ARMC3: variants seen among roughly 807,000 people sequenced by gnomAD.
ARMC3 encodes the protein armadillo repeat containing 3.
In ARMC3, 74 loss-of-function variants were observed where a neutral mutation model predicts 90.3. That is an observed-to-expected ratio of 0.82 (90% CI 0.68 to 0.99). ARMC3 has a LOEUF of 0.99. ARMC3 is among the 50% of genes least tolerant of loss of function. The pLI, the probability that ARMC3 is intolerant of heterozygous loss-of-function variation, is 0.00. For synonymous variants in ARMC3, 334 were observed against 361.8 expected (o/e 0.92, Z 0.87); for missense variants, 958 against 1,042.8 (o/e 0.92, Z 1.12).
At chr10:23,025,015 T>TAA (rs746959023) in intron 16 of ARMC3, among the ~76,000 whole-genome samples, 3 of 152,104 alleles carry the variant, frequency 2.0e-5, no homozygotes, top group Admixed American at 6.5e-5. Context: ...GACATTACAT[T>TAA]AGTGATCAAA....
intron 10 of ARMC3, among the ~76,000 whole-genome samples, chr10:22,983,104 G>A (rs1379064784): frequency 6.6e-6 from 1 of 151,958 alleles, no homozygotes; most frequent in Non-Finnish European, 1.5e-5. Flanking sequence ...ATATTCAGTG[G>A]TTTTTCCAGT....
Position 23,008,840 on chromosome 10 carries a change from G to A in ARMC3, c.1954G>A (p.Gly652Arg), listed in dbSNP as rs746448034. 1 of 1,612,694 alleles carries A rather than the reference G, an allele frequency of 6.2e-7. No homozygotes were observed. Among genetic ancestry groups the A allele is most frequent in the Non-Finnish European group, 8.5e-7 (1 of 1,179,246 alleles). ...NKKNSYHFSA[G>R]FGSPIEDKSE... ...AAAAAATAGTTATCATTTTAGTGCT[G>A]GATTTGGATCTCCCATAGAAGACAA... Residue 652 changes from glycine to arginine, a missense_variant, in exon 16 of 19, where the codon GGA becomes AGA. By Grantham distance (125) the Gly-to-Arg change is moderately radical. Transcript: ENST00000298032.
intron 2 of ARMC3, among the ~76,000 whole-genome samples, chr10:22,936,368 G>A (rs1225068180): frequency 2.6e-5 from 4 of 152,108 alleles, no homozygotes; most frequent in African/African-American, 4.8e-5. Flanking sequence ...AACTGCTTGT[G>A]GCCTGTGACT....
At chr10:22,986,357 G>C (rs961402412) in intron 10 of ARMC3, among the ~76,000 whole-genome samples, 10 of 152,088 alleles carry the variant, frequency 6.6e-5, no homozygotes, top group African/African-American at 2.4e-4. Context: ...TTCGAGACCA[G>C]CATGGCCAAC....
intron 10 of ARMC3, among the ~76,000 whole-genome samples, chr10:22,992,947 G>A (rs972199590): frequency 6.9e-6 from 1 of 144,300 alleles, no homozygotes; most frequent in African/African-American, 2.6e-5. Context: ...CTGACCACTT[G>A]CAGAGTGTCT....
At chr10:22,931,260 C>T (rs1330753693) in intron 1 of ARMC3, among the ~76,000 whole-genome samples, 1 of 152,180 alleles carries the variant, frequency 6.6e-6, no homozygotes, top group Non-Finnish European at 1.5e-5. Flanking sequence ...GGTTACTCCT[C>T]TGTGGTATGT....
intron 12 of ARMC3, among the ~76,000 whole-genome samples, 181 bp downstream of exon 12, chr10:23,002,236 G>A (rs1837332241): frequency 6.6e-6 from 1 of 152,208 alleles, no homozygotes; most frequent in African/African-American, 2.4e-5. Context: ...AGGGGGTCCC[G>A]ATTCACCGCT....
chr10:23,019,364 A>G (rs1175146702), intron 16 of ARMC3, among the ~76,000 whole-genome samples: 2 of 152,218 alleles, frequency 1.3e-5, no homozygotes, highest in Non-Finnish European at 2.9e-5. Context: ...TATAAAGTGA[A>G]TACACAGCAA....
chr10:23,029,010 A>C (rs1028520756), intron 16 of ARMC3, among the ~76,000 whole-genome samples: 1 of 152,158 alleles, frequency 6.6e-6, no homozygotes, highest in Non-Finnish European at 1.5e-5. Flanking sequence ...CCATATCTAC[A>C]GCCAAATAGC....
chr10:23,036,059 G>A lies in ARMC3; in HGVS notation c.2410-1211G>A, dbSNP rs78110887. On this transcript the variant is annotated intron_variant, in intron 18 of 18. Transcript: ENST00000298032. ...ACCTTAGGAAAATTATGCGACCTCA[G>A]TTTTACCCTCTATAAAACGGGGAAA... Among the ~76,000 whole-genome samples the A allele has an allele frequency of 8.0e-3, 1,218 of 152,248 alleles. 10 individuals carry two copies. Among genetic ancestry groups the A allele is most frequent in the African/African-American group, 0.027 (1,120 of 41,538 alleles).
intron 16 of ARMC3, among the ~76,000 whole-genome samples, chr10:23,025,897 A>G (rs1838697710): frequency 6.6e-6 from 1 of 152,118 alleles, no homozygotes; most frequent in African/African-American, 2.4e-5. Flanking sequence ...CAGGAATGAA[A>G]GAAGGAATTA....
chr10:22,997,006 A>G (rs745611951), intron 10 of ARMC3, among the ~76,000 whole-genome samples: 47 of 152,202 alleles, frequency 3.1e-4, no homozygotes, highest in Non-Finnish European at 5.9e-4. Flanking sequence ...TATTATTGAC[A>G]TCTCAAGTAT....
chr10:22,960,980 C>G (rs1835164955), intron 6 of ARMC3: 1 of 152,250 alleles, frequency 6.6e-6, no homozygotes, highest in Non-Finnish European at 1.5e-5. Flanking sequence ...CCACCTTACT[C>G]CAGGATGACC....
chr10:22,967,818 C>G (rs1051275138), intron 7 of ARMC3, among the ~76,000 whole-genome samples: 4 of 152,110 alleles, frequency 2.6e-5, no homozygotes, highest in African/African-American at 9.7e-5. Context: ...TTGGGATTTC[C>G]CGTTTACATT....
chr10:23,034,088 T>C (rs935505193), intron 18 of ARMC3, among the ~76,000 whole-genome samples: 6 of 152,180 alleles, frequency 3.9e-5, no homozygotes, highest in Non-Finnish European at 7.3e-5. Flanking sequence ...TCCAAGCGAA[T>C]TCTATTATCT....
chr10:23,000,015 C>G (rs569146838), intron 11 of ARMC3, among the ~76,000 whole-genome samples: 1 of 152,100 alleles, frequency 6.6e-6, no homozygotes, highest in Non-Finnish European at 1.5e-5. Context: ...ATGCAGGAGA[C>G]CCTTTACTTT....
chr10:22,992,237 T>A (rs1253399423), intron 10 of ARMC3, among the ~76,000 whole-genome samples: 1 of 152,228 alleles, frequency 6.6e-6, no homozygotes, highest in Non-Finnish European at 1.5e-5. Flanking sequence ...AAAACATGCA[T>A]GCTCTTTGTG....
intron 4 of ARMC3, among the ~76,000 whole-genome samples, chr10:22,958,292 C>T (rs1004706035): frequency 1.1e-4 from 17 of 152,064 alleles, no homozygotes; most frequent in Non-Finnish European, 2.4e-4. Context: ...TATTTTTAAG[C>T]ATTTTTGGCA....
At chr10:23,014,984 T>A (rs1170679176) in intron 16 of ARMC3, among the ~76,000 whole-genome samples, 1 of 142,892 alleles carries the variant, frequency 7.0e-6, no homozygotes, top group Non-Finnish European at 1.5e-5. Context: ...TAAAAAAAAA[T>A]TTAAAAGAAG....
Sources: gnomAD v4.1 joint callset for allele counts (sites outside exome capture counted in the v4.1 genomes callset) on GRCh38, gnomAD v4.1.1 for gene constraint, MANE v1.5 for transcripts, NCBI Gene and HGNC (gene_info 2026-07-23, HGNC 2026-07-21) for gene names.